SCFD2: variants seen among roughly 807,000 people sequenced by gnomAD.
The protein encoded by SCFD2 is sec1 family domain containing 2.
Under a neutral mutation model 58.9 loss-of-function variants are expected in SCFD2, and 54 were observed. The observed-to-expected ratio is 0.92, with a 90% confidence interval of 0.74 to 1.15. The LOEUF is 1.15. Ranked by LOEUF, SCFD2 falls within the 50% of genes most tolerant of loss-of-function variation. SCFD2 has a pLI of 0.00. For synonymous variants in SCFD2, 321 were observed against 335.9 expected (o/e 0.96, Z 0.49); for missense variants, 805 against 836.6 (o/e 0.96, Z 0.47).
At chr4:53,178,696 A>C (rs1394927270) in intron 4 of SCFD2, among the ~76,000 whole-genome samples, 1 of 152,050 alleles carries the variant, frequency 6.6e-6, no homozygotes, top group Admixed American at 6.5e-5. Flanking sequence ...CTATCAAACT[A>C]CTCCGAGCTA....
intron 4 of SCFD2, among the ~76,000 whole-genome samples, chr4:53,250,536 C>T (rs949586047): frequency 1.3e-5 from 2 of 152,126 alleles, no homozygotes; most frequent in Non-Finnish European, 2.9e-5. Context: ...GAAATTATAA[C>T]AAACTGTCTC....
intron 4 of SCFD2, among the ~76,000 whole-genome samples, chr4:53,253,615 C>T (rs1730482245): frequency 6.6e-6 from 1 of 151,452 alleles, no homozygotes; most frequent in Admixed American, 6.6e-5. Context: ...TGGAAATCAT[C>T]ATTCTCAGTA....
intron 5 of SCFD2, among the ~76,000 whole-genome samples, chr4:53,048,083 G>A (rs992315297): frequency 3.9e-5 from 6 of 152,188 alleles, no homozygotes; most frequent in African/African-American, 1.4e-4. Flanking sequence ...ACGCGCAGTT[G>A]CTCAGACCTG....
chr4:53,150,522 C>T (rs951396780), intron 4 of SCFD2, among the ~76,000 whole-genome samples: 5 of 151,696 alleles, frequency 3.3e-5, no homozygotes, highest in South Asian at 2.1e-4. Flanking sequence ...TTGACAATAA[C>T]GAAGAAAAAA....
At chr4:53,014,292 G>A (rs1722161390) in intron 5 of SCFD2, among the ~76,000 whole-genome samples, 1 of 152,186 alleles carries the variant, frequency 6.6e-6, no homozygotes, top group Admixed American at 6.5e-5. Flanking sequence ...AAGTTTCAGA[G>A]TTTTTGTGAA....
At chr4:53,258,314 C>T (rs991503621) in intron 4 of SCFD2, among the ~76,000 whole-genome samples, 11 of 151,860 alleles carry the variant, frequency 7.2e-5, no homozygotes, top group South Asian at 4.2e-4. Context: ...TTTTATCCCC[C>T]GCCTACACAC....
At chr4:53,185,201 A>C (rs752189350) in intron 4 of SCFD2, among the ~76,000 whole-genome samples, 9 of 152,108 alleles carry the variant, frequency 5.9e-5, no homozygotes, top group Non-Finnish European at 1.3e-4. Context: ...ATTTATGATA[A>C]GTAAACTGTA....
intron 2 of SCFD2, among the ~76,000 whole-genome samples, chr4:53,325,159 C>T (rs1186924154): frequency 6.8e-6 from 1 of 147,934 alleles, no homozygotes; most frequent in African/African-American, 2.5e-5. Context: ...CGTAATATAA[C>T]CTAGAAAATT....
intron 4 of SCFD2, among the ~76,000 whole-genome samples, chr4:53,202,385 A>T (rs1417690277): frequency 1.3e-5 from 2 of 151,642 alleles, no homozygotes; most frequent in Admixed American, 1.3e-4. Flanking sequence ...ATTGGTCTAT[A>T]TCTCTGTTTT....
chr4:52,874,783 C>T (rs2109435716), intron 8 of SCFD2, among the ~76,000 whole-genome samples: 1 of 152,324 alleles, frequency 6.6e-6, no homozygotes, highest in Non-Finnish European at 1.5e-5. Flanking sequence ...TTAGAGCCCA[C>T]ACTAAAGACC....
intron 5 of SCFD2, among the ~76,000 whole-genome samples, chr4:52,978,037 G>C (rs1487469312): frequency 2.0e-5 from 3 of 152,190 alleles, no homozygotes; most frequent in African/African-American, 4.8e-5. Context: ...AAACAAAATA[G>C]ACTGTTTTGT....
intron 2 of SCFD2, among the ~76,000 whole-genome samples, chr4:53,323,714 AT>A (rs1469356136): frequency 6.6e-6 from 1 of 151,884 alleles, no homozygotes; most frequent in Non-Finnish European, 1.5e-5. Flanking sequence ...TGTAAAAAAT[AT>A]TCTATTTAAA....
At chr4:53,264,499 T>C (rs1050880189) in intron 4 of SCFD2, among the ~76,000 whole-genome samples, 1 of 152,198 alleles carries the variant, frequency 6.6e-6, no homozygotes, top group African/African-American at 2.4e-5. Flanking sequence ...GACTCTTGAA[T>C]AGCAAGGCCC....
chr4:53,320,728 C>A (rs1206217981), intron 2 of SCFD2, among the ~76,000 whole-genome samples: 1 of 152,156 alleles, frequency 6.6e-6, no homozygotes, highest in Non-Finnish European at 1.5e-5. Context: ...AAGTGAATAT[C>A]CCATGCTGCT....
At chr4:52,986,667 A>C (rs1375890353) in intron 5 of SCFD2, among the ~76,000 whole-genome samples, 1 of 151,128 alleles carries the variant, frequency 6.6e-6, no homozygotes, top group Admixed American at 6.6e-5. Context: ...CTCGGCTAAA[A>C]TTTTTGTATT....
chr4:52,973,909 A>G (rs959742469), intron 5 of SCFD2, among the ~76,000 whole-genome samples: 3 of 152,074 alleles, frequency 2.0e-5, no homozygotes, highest in African/African-American at 7.2e-5. Context: ...CAGAACCAAG[A>G]ACAAAAACCA....
At chr4:53,227,243 T>G (rs1029471555) in intron 4 of SCFD2, among the ~76,000 whole-genome samples, 1 of 152,100 alleles carries the variant, frequency 6.6e-6, no homozygotes, top group Non-Finnish European at 1.5e-5. Context: ...GGTGACAAAA[T>G]TAAGTATAAT....
At chr4:53,208,817 CTG>C (rs1191139722) in intron 4 of SCFD2, among the ~76,000 whole-genome samples, 2 of 152,164 alleles carry the variant, frequency 1.3e-5, no homozygotes, top group East Asian at 1.9e-4. Flanking sequence ...AGCAATGTTA[CTG>C]TGATTTTTAG....
intron 5 of SCFD2, among the ~76,000 whole-genome samples, chr4:53,039,473 T>G (rs1560309864): frequency 6.6e-6 from 1 of 152,150 alleles, no homozygotes. Context: ...CTCTGTAATC[T>G]GACTACAATA....
Sources: allele counts gnomAD v4.1 joint callset (sites outside exome capture counted in the v4.1 genomes callset), GRCh38; gene constraint gnomAD v4.1.1; transcripts MANE v1.5; gene names NCBI Gene and HGNC (gene_info 2026-07-23, HGNC 2026-07-21).